Variants in SNX9 observed in about 807,000 individuals in gnomAD.
The protein encoded by SNX9 is sorting nexin-9.
Under a neutral mutation model 89.4 loss-of-function variants are expected in SNX9, and 44 were observed. The ratio of observed to expected loss-of-function variants is 0.49; its 90% confidence interval spans 0.39 to 0.63. The LOEUF (loss-of-function observed/expected upper bound fraction) is 0.63, where lower values mean the gene tolerates loss of function less well. Among genes scored for constraint, SNX9 ranks in the 30% least tolerant of loss-of-function variants. The pLI is 0.00. For synonymous variants in SNX9, 236 were observed against 247.8 expected (o/e 0.95, Z 0.45); for missense variants, 578 against 736.1 (o/e 0.79, Z 2.49).
At chr6:157,879,759 T>G (rs1562603187) in intron 4 of SNX9, among the ~76,000 whole-genome samples, 1 of 152,242 alleles carries the variant, frequency 6.6e-6, no homozygotes, top group Non-Finnish European at 1.5e-5. Flanking sequence ...TTATTGTTGT[T>G]TAGATTACAT....
intron 1 of SNX9, among the ~76,000 whole-genome samples, chr6:157,837,873 G>T (rs1282149100): frequency 1.3e-5 from 2 of 152,288 alleles, no homozygotes; most frequent in African/African-American, 4.8e-5. Context: ...GTTTCTTGTG[G>T]GTTCCGTGAA....
chr6:157,941,533 G>A (rs1203294354), intron 17 of SNX9, among the ~76,000 whole-genome samples: 2 of 152,180 alleles, frequency 1.3e-5, no homozygotes, highest in Non-Finnish European at 2.9e-5. Context: ...GTTTACCAGA[G>A]TCTATAGAAA....
intron 10 of SNX9, among the ~76,000 whole-genome samples, chr6:157,925,301 A>C (rs35250769): frequency 0.062 from 9,341 of 150,998 alleles, 336 homozygotes; most frequent in South Asian, 0.1. Flanking sequence ...CCACAATAAG[A>C]TGCCACTACA....
chr6:157,909,605 C>T, intron 7 of SNX9, 60 bp from the exon 8 acceptor site: 1 of 1,592,836 alleles, frequency 6.3e-7, no homozygotes, highest in Non-Finnish European at 8.6e-7. Flanking sequence ...TGATTCACAT[C>T]AATTGTATTT....
At chr6:157,883,294 G>A (rs1782665549) in intron 4 of SNX9, among the ~76,000 whole-genome samples, 1 of 152,096 alleles carries the variant, frequency 6.6e-6, no homozygotes, top group South Asian at 2.1e-4. Context: ...GTACACTGGG[G>A]GACCAAAAAA....
At chr6:157,910,415 A>G (rs1419549989) in intron 9 of SNX9, among the ~76,000 whole-genome samples, 1 of 152,248 alleles carries the variant, frequency 6.6e-6, no homozygotes, top group Non-Finnish European at 1.5e-5. Flanking sequence ...CATGATGCAA[A>G]CAGGTTATGC....
At chr6:157,930,734 G>A (rs1345223061) in intron 12 of SNX9, among the ~76,000 whole-genome samples, 1 of 152,138 alleles carries the variant, frequency 6.6e-6, no homozygotes, top group Non-Finnish European at 1.5e-5. Flanking sequence ...CTGTCTATCT[G>A]TGGAAAAATT....
chr6:157,826,803 AT>A (rs1434798628), intron 1 of SNX9, among the ~76,000 whole-genome samples: 1 of 100,358 alleles, frequency 1.0e-5, no homozygotes, highest in Admixed American at 1.1e-4. Context: ...TATATATTAT[AT>A]TTTATATATA....
chr6:157,921,370 CTTGT>C (rs1297392235), intron 9 of SNX9, among the ~76,000 whole-genome samples, 157 bp from the exon 10 acceptor site: 1 of 152,136 alleles, frequency 6.6e-6, no homozygotes, highest in Non-Finnish European at 1.5e-5. Context: ...CGTTGTGTTG[CTTGT>C]TTTTTAGATT....
intron 1 of SNX9, among the ~76,000 whole-genome samples, chr6:157,850,094 G>A (rs1781880074): frequency 6.6e-6 from 1 of 152,194 alleles, no homozygotes; most frequent in South Asian, 2.1e-4. Context: ...ACCAGAGGAG[G>A]GCAGGTGTGG....
intron 1 of SNX9, among the ~76,000 whole-genome samples, chr6:157,864,605 G>T (rs1347279000): frequency 2.0e-5 from 3 of 152,166 alleles, no homozygotes; most frequent in Non-Finnish European, 4.4e-5. Flanking sequence ...GGTTCCTCAT[G>T]CCCGTGAGTG....
chr6:157,829,900 A>G (rs1332541155), intron 1 of SNX9, among the ~76,000 whole-genome samples: 11 of 152,206 alleles, frequency 7.2e-5, no homozygotes, highest in Non-Finnish European at 1.5e-5. Context: ...TATAGATTGT[A>G]GGAGCCCACT....
At chr6:157,926,658 T>C (rs1409241199) in intron 10 of SNX9, among the ~76,000 whole-genome samples, 1 of 151,126 alleles carries the variant, frequency 6.6e-6, no homozygotes, top group Non-Finnish European at 1.5e-5. Context: ...GGCATGCGCC[T>C]AAAGTCCCAG....
chr6:157,937,913 G>A (rs1348732232), intron 15 of SNX9, among the ~76,000 whole-genome samples: 1 of 152,152 alleles, frequency 6.6e-6, no homozygotes, highest in Admixed American at 6.5e-5. Context: ...ATCATGAAGG[G>A]GTACCATAGG....
intron 4 of SNX9, among the ~76,000 whole-genome samples, chr6:157,886,279 G>A (rs999811862): frequency 6.6e-6 from 1 of 151,898 alleles, no homozygotes; most frequent in African/African-American, 2.4e-5. Context: ...GTCATATGAG[G>A]AGCAAGAATA....
chr6:157,888,824 G>A (rs1260192269), intron 4 of SNX9, among the ~76,000 whole-genome samples: 3 of 152,164 alleles, frequency 2.0e-5, no homozygotes, highest in South Asian at 2.1e-4. Context: ...TGGGAAGATC[G>A]TGAGGATTTA....
At chr6:157,826,884 T>A (rs1325358123) in intron 1 of SNX9, among the ~76,000 whole-genome samples, 1 of 105,926 alleles carries the variant, frequency 9.4e-6, no homozygotes, top group Admixed American at 1.1e-4. Context: ...ATATAATATA[T>A]AAATATATAT....
rs545295056 is a variant in SNX9 at position 157,943,034 on chromosome 6, G to A, written c.*196G>A. ...TAGGGATGGTCTTTTGTTCATTTCC[G>A]CATCCATTATTTAAACCAGTGGAAA... On this transcript the variant is annotated 3_prime_UTR_variant, in exon 18 of 18. Coordinates refer to ENST00000392185, the MANE Select transcript of SNX9 (RefSeq NM_016224.5). 4.0e-4 allele frequency: 196 copies of A among 489,636 alleles called. 1 individual carries two copies. The South Asian group carries it at 6.4e-3, about 16-fold the overall frequency. The allele number at this position is 489,636 out of a possible 1,614,324, so 30.3% of individuals were successfully genotyped here. A position where few individuals can be genotyped will look rare whatever the true frequency, so the allele number is the denominator to read the frequency against.
chr6:157,915,622 C>CT (rs1783444087), intron 9 of SNX9, among the ~76,000 whole-genome samples: 1 of 51,428 alleles, frequency 1.9e-5, no homozygotes, highest in Non-Finnish European at 3.4e-5. Context: ...CCCATCTCTA[C>CT]TAAAAAAAAA....
Sources: gnomAD v4.1 joint callset for allele counts (sites outside exome capture counted in the v4.1 genomes callset) on GRCh38, gnomAD v4.1.1 for gene constraint, MANE v1.5 for transcripts, NCBI Gene and HGNC (gene_info 2026-07-23, HGNC 2026-07-21) for gene names.